KPNA7: variants seen among roughly 807,000 people sequenced by gnomAD.
KPNA7 encodes importin subunit alpha-8.
KPNA7 carries 54 observed loss-of-function variants against 53.7 expected under a neutral mutation model. That is an observed-to-expected ratio of 1.01 (90% CI 0.81 to 1.26). The LOEUF is 1.26. Ranked by LOEUF, KPNA7 falls within the 50% of genes most tolerant of loss-of-function variation. The probability of loss-of-function intolerance (pLI) is 0.00; values close to 1 mark genes in which losing one functional copy is unlikely to be tolerated. For synonymous variants in KPNA7, 276 were observed against 259.3 expected, an observed-to-expected ratio of 1.06 and a Z score of -0.62; for missense variants, 640 against 644.5, an observed-to-expected ratio of 0.99 and a Z score of 0.07.
In KPNA7 at chr7:99,185,159, G is replaced by A. The variant is rs1276525695; in HGVS notation, c.904C>T (p.Pro302Ser). 2 of 1,547,610 alleles carry A rather than the reference G, an allele frequency of 1.3e-6. No homozygotes were observed. Among genetic ancestry groups the A allele is most frequent in the Non-Finnish European group, 1.7e-6 (2 of 1,143,114 alleles). ...ATGTTCCCCACGGTGCGGAGAGAAG[G>A]AGTCTGGAAGAGCAAGGCTAGAAGT... ...MTSSELNVLT[P>S]SLRTVGNIVT... Residue 302 changes from proline (P) to serine (S), a missense_variant, in exon 8 of 11, where the codon CCT becomes TCT. Physicochemically the swap from Pro to Ser is moderately conservative, Grantham distance 74 (BLOSUM62 -1). Transcript: ENST00000327442.
At chr7:99,171,741 G>C (rs1255287712), downstream of KPNA7, among the ~76,000 whole-genome samples, 1 of 152,164 alleles carries the variant, frequency 6.6e-6, no homozygotes, top group Non-Finnish European at 1.5e-5. Flanking sequence ...GGGCGACAGA[G>C]TAAGACCTTG....
intron 8 of KPNA7, among the ~76,000 whole-genome samples, chr7:99,184,360 G>A (rs183291081): frequency 5.6e-4 from 85 of 151,692 alleles, no homozygotes; most frequent in Non-Finnish European, 9.0e-4. Flanking sequence ...AAAGAGTTTC[G>A]CCACATTGCC....
chr7:99,187,292 A>G (rs1789644014), intron 7 of KPNA7, among the ~76,000 whole-genome samples: 1 of 152,168 alleles, frequency 6.6e-6, no homozygotes, highest in Non-Finnish European at 1.5e-5. Context: ...CGTCTCACAC[A>G]CAAAAAAAAT....
At chr7:99,188,706 C>T in intron 6 of KPNA7, 143 bp from the exon 7 acceptor site, 1 of 912,726 alleles carries the variant, frequency 1.1e-6, no homozygotes, top group Non-Finnish European at 1.6e-6. Flanking sequence ...TTCAGACAGC[C>T]TTGCTCTGTC....
intron 6 of KPNA7, among the ~76,000 whole-genome samples, chr7:99,191,670 GAC>G (rs1446484306): frequency 3.3e-5 from 5 of 151,926 alleles, no homozygotes; most frequent in Non-Finnish European, 5.9e-5. Context: ...AGAGTTTTGA[GAC>G]AGAGTCTTGC....
At chr7:99,156,571 C>T in the KPNA7 span, among the ~76,000 whole-genome samples, 6 of 151,896 alleles carry the variant, frequency 4.0e-5, no homozygotes, top group Non-Finnish European at 7.4e-5. Context: ...GTCACCCAGG[C>T]TGGAATGCAA....
chr7:99,170,255 A>G (rs932736583), downstream of KPNA7, among the ~76,000 whole-genome samples: 1 of 152,218 alleles, frequency 6.6e-6, no homozygotes, highest in African/African-American at 2.4e-5. Flanking sequence ...GAATCAATGC[A>G]TAAACAAAGC....
chr7:99,185,002 G>A lies in KPNA7; in HGVS notation c.1061C>T (p.Ala354Val), dbSNP rs374319433. Residue 354 changes from alanine to valine, a missense_variant, in exon 8 of 11, where the codon GCG becomes GTG. Physicochemically the swap from Ala to Val is moderately conservative, Grantham distance 64 (BLOSUM62 0). Transcript: ENST00000327442. ...CTGCTGGATGTGGTGACAAGGCCCC[G>A]CTGCTACGTTGCTCAGGGCCCAGGC... ...EAAWALSNVA[A>V]GPCHHIQQLL... 13 of 1,551,798 alleles carry A rather than the reference G, an allele frequency of 8.4e-6. No homozygotes were observed. The highest frequency in any genetic ancestry group is 1.4e-5 in the African/African-American group (1 of 73,040).
At chr7:99,161,261 CTCTCTCT>C in the KPNA7 span, among the ~76,000 whole-genome samples, 18 of 69,828 alleles carry the variant, frequency 2.6e-4, 1 homozygote, top group African/African-American at 8.9e-4. Flanking sequence ...CTCTCTCTCT[CTCTCTCT>C]CTGATCACTT....
chr7:99,189,080 T>G (rs1009540223), intron 6 of KPNA7, among the ~76,000 whole-genome samples: 1 of 152,218 alleles, frequency 6.6e-6, no homozygotes, highest in African/African-American at 2.4e-5. Flanking sequence ...CAATGTTAGA[T>G]GGAGGTTTCC....
chr7:99,196,306 G>A, intron 3 of KPNA7, 140 bp from the exon 4 acceptor site: 1 of 634,588 alleles, frequency 1.6e-6, no homozygotes, highest in South Asian at 1.9e-5. Context: ...TATATTTGGG[G>A]AGGGGAGAAT....
chr7:99,157,017 T>C, the KPNA7 span, among the ~76,000 whole-genome samples: 4 of 152,100 alleles, frequency 2.6e-5, no homozygotes, highest in Admixed American at 2.6e-4. Flanking sequence ...CAAACCTTTC[T>C]CTTGAATTTT....
At chr7:99,156,404 G>C in the KPNA7 span, among the ~76,000 whole-genome samples, 1 of 152,030 alleles carries the variant, frequency 6.6e-6, no homozygotes, top group Non-Finnish European at 1.5e-5. Flanking sequence ...AGAGTCTTCT[G>C]TTTATTCTTG....
intron 3 of KPNA7, among the ~76,000 whole-genome samples, chr7:99,198,366 A>G (rs539855770): frequency 7.2e-5 from 11 of 152,322 alleles, no homozygotes; most frequent in African/African-American, 2.4e-4. Flanking sequence ...ACTGATGCAA[A>G]AATTCAACAA....
intron 7 of KPNA7, among the ~76,000 whole-genome samples, chr7:99,185,581 T>A (rs942412642): frequency 6.6e-5 from 10 of 152,104 alleles, no homozygotes; most frequent in Non-Finnish European, 1.2e-4. Flanking sequence ...TGATCCTGCC[T>A]TGGCTTTCCA....
chr7:99,164,565 A>T, the KPNA7 span, among the ~76,000 whole-genome samples: 1 of 152,258 alleles, frequency 6.6e-6, no homozygotes, highest in East Asian at 1.9e-4. Context: ...GCAGCACACC[A>T]TGGCACATGT....
chr7:99,146,798 G>A, the KPNA7 span, among the ~76,000 whole-genome samples: 1 of 146,952 alleles, frequency 6.8e-6, no homozygotes, highest in Non-Finnish European at 1.5e-5. Flanking sequence ...TTATAGCTTA[G>A]CCCAGCCTAC....
downstream of KPNA7, among the ~76,000 whole-genome samples, chr7:99,173,032 A>AG (rs1271142895): frequency 7.5e-6 from 1 of 133,010 alleles, no homozygotes; most frequent in Non-Finnish European, 1.5e-5. Flanking sequence ...ACTGCACTCC[A>AG]GCCTGGGTGA....
At chr7:99,172,828 TGA>T (rs1473248596), downstream of KPNA7, among the ~76,000 whole-genome samples, 2 of 152,064 alleles carry the variant, frequency 1.3e-5, no homozygotes, top group African/African-American at 4.8e-5. Flanking sequence ...TTTAGGAGGC[TGA>T]GACATGTGGA....
Sources: gnomAD v4.1 joint callset for allele counts (sites outside exome capture counted in the v4.1 genomes callset) on GRCh38, gnomAD v4.1.1 for gene constraint, MANE v1.5 for transcripts, NCBI Gene and HGNC (gene_info 2026-07-23, HGNC 2026-07-21) for gene names.